CCDC180: variants seen among roughly 807,000 people sequenced by gnomAD.
The protein encoded by CCDC180 is coiled-coil domain-containing protein 180.
CCDC180 carries 154 observed loss-of-function variants against 209.2 expected under a neutral mutation model. That is an observed-to-expected ratio of 0.74 (90% CI 0.65 to 0.84). CCDC180 has a LOEUF of 0.84. CCDC180 is among the 40% of genes least tolerant of loss of function. CCDC180 has a pLI of 0.00. For missense variants in CCDC180, 1,874 were observed against 1,997.3 expected (o/e 0.94, Z 1.18); for synonymous variants, 778 against 749.1 (o/e 1.04, Z -0.63).
chr9:97,354,965 T>C lies in CCDC180; in HGVS notation c.3221T>C (p.Ile1074Thr), dbSNP rs1357908073. ...GTGGACCTTATTTTCATAGAGAAAA[T>C]CCAGCGGTTGCTGACGAATCTGCAA... ...LSVDLIFIEK[I>T]QRLLTNLQVK... The change falls in exon 24 of 37, where the codon ATC becomes ACC. Residue 1074 changes from isoleucine (I) to threonine (T), a missense_variant. By Grantham distance (89) the Ile-to-Thr change is moderately conservative. Transcript: ENST00000529487. 1 of 1,614,062 alleles carries C rather than the reference T, an allele frequency of 6.2e-7. No individual in the cohort carries two copies. Among genetic ancestry groups the C allele is most frequent in the Non-Finnish European group, 8.5e-7 (1 of 1,179,958 alleles).
At position 97,319,650 on chromosome 9, in the gene CCDC180, G is replaced by T. The variant is rs189710758; in HGVS notation, c.1080-476G>T. On this transcript the variant is annotated intron_variant, in intron 10 of 36. Coordinates refer to ENST00000529487, the MANE Select transcript of CCDC180 (RefSeq NM_020893.6). ...CAGCTCCATCCATGCTGCTGCGAAGGCCATGATCTCATTCTTTTTTTATGA... is the reference window on the plus strand; with the variant it reads ...CAGCTCCATCCATGCTGCTGCGAAGTCCATGATCTCATTCTTTTTTTATGA... Among the ~76,000 whole-genome samples the T allele has an allele frequency of 5.3e-5, 8 of 152,274 alleles. No homozygotes were observed. In the East Asian group the frequency reaches 1.5e-3, roughly 29 times the overall value.
At chr9:97,352,880 CTAT>C (rs1378737894) in intron 22 of CCDC180, among the ~76,000 whole-genome samples, 1 of 151,370 alleles carries the variant, frequency 6.6e-6, no homozygotes, top group Non-Finnish European at 1.5e-5. Flanking sequence ...TTCTGCAAAT[CTAT>C]TCATTGAGTT....
At chr9:97,365,526 T>G in intron 29 of CCDC180, 147 bp from the exon 30 acceptor site, 1 of 691,640 alleles carries the variant, frequency 1.4e-6, no homozygotes, top group Non-Finnish European at 2.6e-6. Context: ...GGAATCAGAG[T>G]GTGCAGAGGT....
At chr9:97,327,737 C>A (rs548744002) in intron 15 of CCDC180, among the ~76,000 whole-genome samples, 1 of 152,090 alleles carries the variant, frequency 6.6e-6, no homozygotes, top group Non-Finnish European at 1.5e-5. Flanking sequence ...CCGTCAAGTT[C>A]GAGGACAGCA....
At chr9:97,315,078 C>A in intron 8 of CCDC180, 132 bp downstream of exon 8, 1 of 645,388 alleles carries the variant, frequency 1.5e-6, no homozygotes. Flanking sequence ...CTAAGGGGCT[C>A]AGGTGGGCCT....
intron 8 of CCDC180, among the ~76,000 whole-genome samples, chr9:97,315,944 C>T (rs1292097220): frequency 3.3e-5 from 5 of 152,202 alleles, no homozygotes; most frequent in East Asian, 1.9e-4. Flanking sequence ...GTCAAAAATG[C>T]ATTTAACACC....
At chr9:97,362,004 C>G in intron 27 of CCDC180, 106 bp downstream of exon 27, 1 of 1,403,468 alleles carries the variant, frequency 7.1e-7, no homozygotes, top group Non-Finnish European at 9.6e-7. Flanking sequence ...CCACGTGAGT[C>G]CACCCCTGAG....
At chr9:97,331,081 G>T (rs889179906) in intron 18 of CCDC180, among the ~76,000 whole-genome samples, 1 of 151,112 alleles carries the variant, frequency 6.6e-6, no homozygotes, top group South Asian at 2.1e-4. Flanking sequence ...CTGCTCCCAC[G>T]CTTTACCCTC....
At position 97,377,588 on chromosome 9, in the gene CCDC180, AAT is replaced by A. The variant is rs1231837998; in HGVS notation, c.*695_*696del. On this transcript the variant is annotated 3_prime_UTR_variant, in exon 37 of 37. Coordinates refer to ENST00000529487, the MANE Select transcript of CCDC180 (RefSeq NM_020893.6). Reference sequence around the variant, plus strand: ...TAGACCTAGGAGGCCCCAGCTCCCAAATTTCCAGCCCCTGAAAGCTGTGTGAC... The same window carrying A: ...TAGACCTAGGAGGCCCCAGCTCCCAATTCCAGCCCCTGAAAGCTGTGTGAC... 6.6e-6 allele frequency: 1 copy of A among 152,180 alleles called. No homozygotes were observed. Among genetic ancestry groups the A allele is most frequent in the East Asian group, 1.9e-4 (1 of 5,172 alleles). 9.4% of individuals were successfully genotyped at this position (152,180 alleles called of 1,614,324 possible). A position where few individuals can be genotyped will look rare whatever the true frequency, so the allele number is the denominator to read the frequency against.
At chr9:97,341,902 C>G (rs550909098) in intron 18 of CCDC180, among the ~76,000 whole-genome samples, 4 of 152,366 alleles carry the variant, frequency 2.6e-5, no homozygotes, top group Admixed American at 2.0e-4. Flanking sequence ...ATGCCCCTCC[C>G]CCAGCCAGGC....
chr9:97,314,385 T>C lies in CCDC180; in HGVS notation c.460-8T>C. ...TGCCTTGGCCATCATACCCCTGGCC[T>C]GTTGCAGGAAATGGAACCTCTCATC... On this transcript the variant is annotated splice_region_variant and splice_polypyrimidine_tract_variant and intron_variant, in intron 5 of 36. Coordinates refer to ENST00000529487, the MANE Select transcript of CCDC180 (RefSeq NM_020893.6). 1 of 1,614,162 alleles carries C rather than the reference T, an allele frequency of 6.2e-7. No homozygotes were observed. The highest frequency in any genetic ancestry group is 8.5e-7 in the Non-Finnish European group (1 of 1,180,016).
rs764354036 is a variant in CCDC180, at chr9:97,322,930, C to G, written c.1248+9C>G. ...ATGTGCAGAATTGTAAGGTGGGCAC[C>G]CTTCCTGCAGGCCTGAGAAGAGGAA... On this transcript the variant is annotated intron_variant, in intron 12 of 36. Coordinates refer to ENST00000529487, the MANE Select transcript of CCDC180 (RefSeq NM_020893.6). The G allele has an allele frequency of 9.6e-5, 154 of 1,611,952 alleles. No homozygotes were observed. Among genetic ancestry groups the G allele is most frequent in the Non-Finnish European group, 1.3e-4 (149 of 1,178,724 alleles).
intron 22 of CCDC180, among the ~76,000 whole-genome samples, chr9:97,350,846 C>T (rs1262218120): frequency 6.6e-6 from 1 of 152,168 alleles, no homozygotes; most frequent in Non-Finnish European, 1.5e-5. Flanking sequence ...CCACCATCCT[C>T]CTTTCAGTTT....
chr9:97,340,370 T>C (rs950899193), intron 18 of CCDC180, among the ~76,000 whole-genome samples: 1 of 152,142 alleles, frequency 6.6e-6, no homozygotes, highest in Non-Finnish European at 1.5e-5. Context: ...TTTTGTTGAT[T>C]GTGGGCGGCA....
chr9:97,374,702 G>C (rs1375305782), intron 35 of CCDC180, 54 bp downstream of exon 35: 1 of 1,434,402 alleles, frequency 7.0e-7, no homozygotes, highest in African/African-American at 1.4e-5. Context: ...TGCTGGGGGT[G>C]GTGCAGTGTA....
chr9:97,308,732 A>G (rs887032784), intron 2 of CCDC180, among the ~76,000 whole-genome samples: 3 of 152,264 alleles, frequency 2.0e-5, no homozygotes, highest in Non-Finnish European at 2.9e-5. Context: ...GCTTATTTAA[A>G]AGGGATTTGC....
chr9:97,315,993 C>G (rs926434187), intron 8 of CCDC180, among the ~76,000 whole-genome samples: 2 of 152,210 alleles, frequency 1.3e-5, no homozygotes, highest in Admixed American at 6.5e-5. Context: ...TCATGTCAAG[C>G]CATCGTAAGT....
chr9:97,313,603 T>C (rs1833062526), intron 5 of CCDC180, among the ~76,000 whole-genome samples: 1 of 152,180 alleles, frequency 6.6e-6, no homozygotes, highest in Admixed American at 6.5e-5. Flanking sequence ...CCAGAGAGTC[T>C]CACCTGACTT....
At chr9:97,332,882 T>C (rs1825792485) in intron 18 of CCDC180, among the ~76,000 whole-genome samples, 1 of 152,210 alleles carries the variant, frequency 6.6e-6, no homozygotes, top group Admixed American at 6.5e-5. Flanking sequence ...GCCTGATTAC[T>C]CTGCCCAGGG....
Sources: gnomAD v4.1 joint callset for allele counts (sites outside exome capture counted in the v4.1 genomes callset) on GRCh38, gnomAD v4.1.1 for gene constraint, MANE v1.5 for transcripts, NCBI Gene and HGNC (gene_info 2026-07-23, HGNC 2026-07-21) for gene names.